The following PLCE1 variants were observed in gnomAD, a reference collection of about 807,000 sequenced individuals.
PLCE1 encodes the protein phospholipase C epsilon 1.
A neutral mutation model predicts 242.8 loss-of-function variants in PLCE1; 119 were observed. The ratio of observed to expected loss-of-function variants is 0.49; its 90% confidence interval spans 0.42 to 0.57. The LOEUF is 0.57. Among genes scored for constraint, PLCE1 ranks in the 20% least tolerant of loss-of-function variants. The pLI, the probability that PLCE1 is intolerant of heterozygous loss-of-function variation, is 0.00. For missense variants in PLCE1, 2,441 were observed against 2,788.8 expected (o/e 0.88, Z 2.81); for synonymous variants, 945 against 1,017.4 (o/e 0.93, Z 1.35).
At chr10:94,120,031 T>C (rs1366369205) in intron 2 of PLCE1, among the ~76,000 whole-genome samples, 1 of 152,174 alleles carries the variant, frequency 6.6e-6, no homozygotes. Flanking sequence ...TCCTAGCTAT[T>C]GCTTAGGACC....
chr10:94,273,457 A>G, intron 18 of PLCE1, 105 bp from the exon 19 acceptor site: 1 of 1,132,850 alleles, frequency 8.8e-7, no homozygotes, highest in South Asian at 1.3e-5. Context: ...GACTTTTTAA[A>G]TAATTCAACC....
chr10:94,218,979 A>G (rs1273924782), intron 4 of PLCE1, among the ~76,000 whole-genome samples: 5 of 147,594 alleles, frequency 3.4e-5, no homozygotes, highest in South Asian at 2.1e-4. Flanking sequence ...ATAATTAATT[A>G]TAGTTATATA....
At chr10:94,307,405 C>T (rs1277050026) in intron 26 of PLCE1, among the ~76,000 whole-genome samples, 1 of 152,182 alleles carries the variant, frequency 6.6e-6, no homozygotes, top group African/African-American at 2.4e-5. Context: ...CTCAAGCTGC[C>T]ATCCTTGGAG....
chr10:94,029,098 TATG>T (rs892441948), intron 1 of PLCE1, among the ~76,000 whole-genome samples: 8 of 151,932 alleles, frequency 5.3e-5, no homozygotes, highest in South Asian at 2.1e-4. Context: ...GTCTCAAAAT[TATG>T]ATGATGATGA....
Position 94,132,364 on chromosome 10 carries a change from T to A in PLCE1, c.1397T>A (p.Ile466Asn). Reference protein sequence around the residue: ...TLQRTSISQYITGSLLEATTS... With the variant: ...TLQRTSISQYNTGSLLEATTS... The stretch of plus-strand genomic sequence containing the variant: ...CAAAGGACTTCAATATCGCAGTACA[T>A]CACCGGTTCTCTCCTAGAAGCAACC... The change falls in exon 3 of 33, where the codon ATC (isoleucine) becomes AAC (asparagine). Residue 466 changes from isoleucine (I) to asparagine (N), a missense_variant. Around this residue, in one of 5 missense-constraint regions of PLCE1, gnomAD observed 733 missense variants for 754.2 expected, o/e 0.97. Transcript: ENST00000371380. 6.2e-7 allele frequency: 1 copy of A among 1,614,028 alleles called. No individual in the cohort carries two copies. The highest frequency in any genetic ancestry group is 8.5e-7 in the Non-Finnish European group (1 of 1,179,994).
At position 94,308,577 on chromosome 10, in the gene PLCE1, C is replaced by T; in HGVS notation, c.5885-4C>T. On this transcript the variant is annotated splice_region_variant and splice_polypyrimidine_tract_variant and intron_variant, in intron 26 of 32. Coordinates refer to ENST00000371380, the MANE Select transcript of PLCE1 (RefSeq NM_016341.4). ...AAGCTTTTCCCAATTCTGTATTACTCCAGGATATCGACATCTTCAGCTGCG... is the reference window on the plus strand; with the variant it reads ...AAGCTTTTCCCAATTCTGTATTACTTCAGGATATCGACATCTTCAGCTGCG... 6.3e-7 allele frequency: 1 copy of T among 1,582,810 alleles called. No homozygotes were observed. Among genetic ancestry groups the T allele is most frequent in the Non-Finnish European group, 8.7e-7 (1 of 1,151,850 alleles).
intron 2 of PLCE1, among the ~76,000 whole-genome samples, chr10:94,055,011 C>CA (rs71306823): frequency 0.47 from 42,871 of 90,644 alleles, 9,372 homozygotes; most frequent in African/African-American, 0.68. Flanking sequence ...GACTCCATCT[C>CA]AAAAAAAAAA....
intron 9 of PLCE1, among the ~76,000 whole-genome samples, chr10:94,252,958 GA>G (rs2050932762): frequency 6.6e-6 from 1 of 152,218 alleles, no homozygotes; most frequent in Non-Finnish European, 1.5e-5. Context: ...TGCTGTTCTG[GA>G]TGGCTAGAGC....
At chr10:94,299,847 G>A (rs540096822) in intron 24 of PLCE1, among the ~76,000 whole-genome samples, 1 of 152,276 alleles carries the variant, frequency 6.6e-6, no homozygotes, top group East Asian at 1.9e-4. Flanking sequence ...AGATGATGCC[G>A]GTGAAGTACC....
chr10:94,320,401 GTTAA>G (rs1239106152), intron 29 of PLCE1, among the ~76,000 whole-genome samples: 2 of 152,166 alleles, frequency 1.3e-5, no homozygotes, highest in Non-Finnish European at 1.5e-5. Flanking sequence ...TGATTGCAAA[GTTAA>G]TTAAATGATT....
chr10:94,216,813 G>C (rs1297207025), intron 4 of PLCE1, among the ~76,000 whole-genome samples: 1 of 151,920 alleles, frequency 6.6e-6, no homozygotes, highest in African/African-American at 2.4e-5. Context: ...TGTTTCTAAA[G>C]GGAATGCGAC....
intron 2 of PLCE1, among the ~76,000 whole-genome samples, chr10:94,106,912 T>TTCTCTTTCTCTCTCTCTCTCTC (rs1392359262): frequency 6.4e-4 from 25 of 38,770 alleles, no homozygotes; most frequent in Non-Finnish European, 9.4e-4. Flanking sequence ...TGTCTCTTGT[T>TTCTCTTTCTCTCTCTCTCTCTC]TCTCTCTCTC....
intron 1 of PLCE1, among the ~76,000 whole-genome samples, chr10:93,999,897 T>C (rs952041127): frequency 2.0e-5 from 3 of 152,156 alleles, no homozygotes; most frequent in Admixed American, 6.5e-5. Flanking sequence ...TAACTGCCAG[T>C]GGGGGATTAT....
intron 2 of PLCE1, chr10:94,089,330 C>T (rs1210270520): frequency 1.2e-6 from 2 of 1,613,510 alleles, no homozygotes; most frequent in East Asian, 2.2e-5. Context: ...CCCAATTTTA[C>T]CTTGTTAAAG....
intron 1 of PLCE1, among the ~76,000 whole-genome samples, chr10:94,018,113 A>C (rs1449740195): frequency 6.6e-6 from 1 of 152,168 alleles, no homozygotes; most frequent in Non-Finnish European, 1.5e-5. Context: ...CATTTAGCAA[A>C]TAGGTGTGCT....
intron 4 of PLCE1, among the ~76,000 whole-genome samples, chr10:94,226,831 C>CTCTTTTTTT (rs67656949): frequency 2.0e-4 from 20 of 101,820 alleles, no homozygotes; most frequent in South Asian, 6.7e-4. Flanking sequence ...ACCTATAGGT[C>CTCTTTTTTT]TTTTTTTTTT....
At chr10:94,317,649 A>T (rs1164917359) in intron 29 of PLCE1, among the ~76,000 whole-genome samples, 3 of 152,206 alleles carry the variant, frequency 2.0e-5, no homozygotes, top group African/African-American at 7.2e-5. Context: ...GATTCCCATG[A>T]TCATTCCTGG....
chr10:94,312,131 G>C (rs1020106374), intron 27 of PLCE1, among the ~76,000 whole-genome samples: 1 of 152,140 alleles, frequency 6.6e-6, no homozygotes, highest in African/African-American at 2.4e-5. Context: ...TATAGTGCAA[G>C]CTAAATGATA....
intron 32 of PLCE1, among the ~76,000 whole-genome samples, chr10:94,326,363 T>C (rs117149466): frequency 2.0e-5 from 3 of 152,222 alleles, no homozygotes; most frequent in Non-Finnish European, 4.4e-5. Flanking sequence ...ATTGAGATCA[T>C]GTTTCCACAT....
Sources: allele counts gnomAD v4.1 joint callset (sites outside exome capture counted in the v4.1 genomes callset), GRCh38; gene constraint gnomAD v4.1.1; regional missense constraint gnomAD v4.1.1; transcripts MANE v1.5; gene names NCBI Gene and HGNC (gene_info 2026-07-23, HGNC 2026-07-21).